The following IQCH variants were observed in gnomAD, a reference collection of about 807,000 sequenced individuals.
IQCH encodes IQ motif containing H.
Under a neutral mutation model 117.0 loss-of-function variants are expected in IQCH, and 98 were observed. The ratio of observed to expected loss-of-function variants is 0.84; its 90% CI spans 0.71 to 0.99. The LOEUF (loss-of-function observed/expected upper bound fraction) is 0.99, where lower values mean the gene tolerates loss of function less well. IQCH is among the 50% of genes least tolerant of loss of function. IQCH has a pLI of 0.00. For missense variants in IQCH, 1,102 were observed against 1,243.8 expected, an observed-to-expected ratio of 0.89 and a Z score of 1.72; for synonymous variants, 412 against 448.2, an observed-to-expected ratio of 0.92 and a Z score of 1.02.
chr15:67,313,798 C>G (rs979407374), intron 4 of IQCH, among the ~76,000 whole-genome samples: 5 of 152,160 alleles, frequency 3.3e-5, no homozygotes, highest in African/African-American at 1.2e-4. Flanking sequence ...GATCACTTCT[C>G]CAGCTGCTTT....
At chr15:67,495,973 T>C (rs550839967) in intron 20 of IQCH, among the ~76,000 whole-genome samples, 2 of 152,342 alleles carry the variant, frequency 1.3e-5, no homozygotes, top group African/African-American at 4.8e-5. Flanking sequence ...GTAGGTATTT[T>C]CAGTTTTTAA....
rs540673814 is a variant in IQCH, at chr15:67,439,564, C to T, written c.2505+17987C>T. On this transcript the variant is annotated intron_variant, in intron 16 of 20. Transcript: ENST00000335894. The stretch of plus-strand genomic sequence containing the variant: ...AATTACCAAGATCAGAGCAGAACTA[C>T]ATGAAATTTGAAACAAACAAACAAA... Among the ~76,000 whole-genome samples, 7 of 152,160 alleles carry T rather than the reference C, an allele frequency of 4.6e-5. No individual in the cohort carries two copies. The East Asian group carries it at 1.4e-3, about 29-fold the overall frequency.
intron 14 of IQCH, among the ~76,000 whole-genome samples, chr15:67,412,856 G>GTTGAA (rs1300750311): frequency 6.6e-6 from 1 of 152,154 alleles, no homozygotes; most frequent in African/African-American, 2.4e-5. Flanking sequence ...TTCATCATTT[G>GTTGAA]TTGAAGCTCA....
Position 67,385,112 on chromosome 15 carries a change from A to T in IQCH, c.1456+93A>T. 3.9e-6 allele frequency: 3 copies of T among 772,156 alleles called. No homozygotes were observed. Among genetic ancestry groups the T allele is most frequent in the South Asian group, 1.8e-5 (1 of 56,278 alleles). The allele number at this position is 772,156 out of a possible 1,614,324, so 47.8% of individuals were successfully genotyped here. The stretch of plus-strand genomic sequence containing the variant: ...TGTTTTGTTTGTTTGTTTTTTGCTT[A>T]TTTTTTTCCTCTACAAGGAAAAAGC... On this transcript the variant is annotated intron_variant, in intron 11 of 20. Coordinates refer to ENST00000335894, the MANE Select transcript of IQCH (RefSeq NM_001031715.3). This position sits in a 1 kb window ranked among gnomAD's most constrained non-coding sequence, Gnocchi z 4.6.
At chr15:67,293,208 C>G (rs1309694732) in intron 4 of IQCH, among the ~76,000 whole-genome samples, 2 of 151,962 alleles carry the variant, frequency 1.3e-5, no homozygotes, top group Non-Finnish European at 2.9e-5. Flanking sequence ...TATTATGTAC[C>G]TAATACATGT....
At chr15:67,353,362 ATTTTT>A (rs113593879) in intron 6 of IQCH, among the ~76,000 whole-genome samples, 2 of 148,388 alleles carry the variant, frequency 1.3e-5, no homozygotes, top group Non-Finnish European at 3.0e-5. Context: ...ATATTTATTT[ATTTTT>A]TTTTTTTTTT....
rs1175481580 is a variant in IQCH at position 67,436,074 on chromosome 15, C to A, written c.2505+14497C>A. 6.6e-6 allele frequency among the ~76,000 whole-genome samples: 1 copy of A among 152,086 alleles called. No individual in the cohort carries two copies. Among genetic ancestry groups the A allele is most frequent in the East Asian group, 1.9e-4 (1 of 5,190 alleles). ...TTCTTAAGACAATACTCAATCACCC[C>A]CTCCCAGCATATGGCACCACTGGTT... On this transcript the variant is annotated intron_variant, in intron 16 of 20. Transcript: ENST00000335894. The surrounding 1 kb of genome is among the most constrained non-coding windows in gnomAD (Gnocchi z 5.1).
At chr15:67,256,255 C>T (rs962929436) in intron 1 of IQCH, among the ~76,000 whole-genome samples, 35 of 152,230 alleles carry the variant, frequency 2.3e-4, no homozygotes, top group African/African-American at 7.9e-4. Flanking sequence ...GAGTCATTGA[C>T]GTCATTACCT....
chr15:67,361,224 A>C (rs1351008634), intron 8 of IQCH, among the ~76,000 whole-genome samples: 1 of 152,182 alleles, frequency 6.6e-6, no homozygotes, highest in African/African-American at 2.4e-5. Context: ...TTCAAATAGT[A>C]CTACTACTGC....
Position 67,388,660 on chromosome 15 carries a change from G to A in IQCH, c.1457-171G>A, listed in dbSNP as rs576307394. ...ATTTTCTTTAGAGAAATGCCGAACT[G>A]TAAAAAAGCCAGTTAGATTGCTCAG... On this transcript the variant is annotated intron_variant, in intron 11 of 20. Coordinates refer to ENST00000335894, the MANE Select transcript of IQCH (RefSeq NM_001031715.3). This position sits in a 1 kb window ranked among gnomAD's most constrained non-coding sequence, Gnocchi z 5.5. Among the ~76,000 whole-genome samples, 3 of 152,172 alleles carry A rather than the reference G, an allele frequency of 2.0e-5. No individual in the cohort carries two copies. The highest frequency in any genetic ancestry group is 4.4e-5 in the Non-Finnish European group (3 of 68,038).
chr15:67,271,695 G>T (rs935561874), intron 3 of IQCH, among the ~76,000 whole-genome samples: 1 of 152,054 alleles, frequency 6.6e-6, no homozygotes, highest in Non-Finnish European at 1.5e-5. Context: ...TTTCCAAATT[G>T]TAAATTGTTG....
In IQCH at chr15:67,364,436, T is replaced by A. The variant is rs967592147; in HGVS notation, c.753+4551T>A. Among the ~76,000 whole-genome samples, 1 of 152,206 alleles carries A rather than the reference T, an allele frequency of 6.6e-6. No homozygotes were observed. The highest frequency in any genetic ancestry group is 1.5e-5 in the Non-Finnish European group (1 of 68,038). On this transcript the variant is annotated intron_variant, in intron 8 of 20. Transcript: ENST00000335894. The surrounding 1 kb of genome is among the most constrained non-coding windows in gnomAD (Gnocchi z 4.1). ...CCAAACAATTTTTTTGAAATTCTTG[T>A]GGAACAATTTTTCTTGTAATTACCG... is the stretch of plus-strand genomic sequence containing the variant.
intron 16 of IQCH, among the ~76,000 whole-genome samples, chr15:67,460,432 T>C (rs2082763600): frequency 6.6e-6 from 1 of 152,222 alleles, no homozygotes; most frequent in Non-Finnish European, 1.5e-5. Context: ...TTTGTGCATC[T>C]TCCTAAATCA....
chr15:67,381,671 G>A lies in IQCH; in HGVS notation c.1373-3265G>A, dbSNP rs147618089. ...GAAGGGGGAGTGATCAGAACACACA[G>A]GAGAAAGGGCTAAGAATTTAAAAGA... On this transcript the variant is annotated intron_variant, in intron 10 of 20. Coordinates refer to ENST00000335894, the MANE Select transcript of IQCH (RefSeq NM_001031715.3). The surrounding 1 kb of genome is among the most constrained non-coding windows in gnomAD (Gnocchi z 5.1). Among the ~76,000 whole-genome samples the A allele has an allele frequency of 1.4e-3, 208 of 152,230 alleles. 9 individuals are homozygous for A. The highest frequency in any genetic ancestry group is 0.013 in the East Asian group (66 of 5,172).
rs368000828 is a variant in IQCH at position 67,350,495 on chromosome 15, C to T, written c.637+6304C>T. Reference sequence around the variant, plus strand: ...AGGTTGGAGTGCAGTGGTGTGATCTCGGTTCACTACAACCTCCGCCTCCCA... The same window carrying T: ...AGGTTGGAGTGCAGTGGTGTGATCTTGGTTCACTACAACCTCCGCCTCCCA... On this transcript the variant is annotated intron_variant, in intron 6 of 20. Coordinates refer to ENST00000335894, the MANE Select transcript of IQCH (RefSeq NM_001031715.3). Among the ~76,000 whole-genome samples, 106 of 152,126 alleles carry T rather than the reference C, an allele frequency of 7.0e-4. 4 individuals are homozygous for T. In the East Asian group the frequency reaches 0.012, roughly 17 times the overall value.
rs564736951 is a variant in IQCH at position 67,500,210 on chromosome 15, A to G, written c.2971-423A>G. 2.6e-4 allele frequency among the ~76,000 whole-genome samples: 40 copies of G among 152,288 alleles called. No homozygotes were observed. Among genetic ancestry groups the G allele is most frequent in the Middle Eastern group, 6.8e-3 (2 of 294 alleles). Reference sequence around the variant, plus strand: ...TGGAAAGAAACCTTCCCATCAGCCTATTAGCCCTCATTTTAGGGTGACTAG... The same window carrying G: ...TGGAAAGAAACCTTCCCATCAGCCTGTTAGCCCTCATTTTAGGGTGACTAG... On this transcript the variant is annotated intron_variant, in intron 20 of 20. Coordinates refer to ENST00000335894, the MANE Select transcript of IQCH (RefSeq NM_001031715.3). This position sits in a 1 kb window ranked among gnomAD's most constrained non-coding sequence, Gnocchi z 4.4.
chr15:67,384,915 G>T lies in IQCH; in HGVS notation c.1373-21G>T. The T allele has an allele frequency of 2.7e-6, 4 of 1,505,428 alleles. No individual in the cohort carries two copies. Among genetic ancestry groups the T allele is most frequent in the Non-Finnish European group, 3.7e-6 (4 of 1,082,048 alleles). The allele number at this position is 1,505,428 out of a possible 1,614,324, so 93.3% of individuals were successfully genotyped here. A position where few individuals can be genotyped will look rare whatever the true frequency, so the allele number is the denominator to read the frequency against. On this transcript the variant is annotated intron_variant, in intron 10 of 20. Coordinates refer to ENST00000335894, the MANE Select transcript of IQCH (RefSeq NM_001031715.3). This position sits in a 1 kb window ranked among gnomAD's most constrained non-coding sequence, Gnocchi z 4.3. ...TATCGACTTGCTCTTTCTGTGTTTT[G>T]ACACCTTGTTTGCCTTTTAGGGTAT...
At chr15:67,360,243 GC>G (rs1970077149) in intron 8 of IQCH, 1 of 280,212 alleles carries the variant, frequency 3.6e-6, no homozygotes, top group African/African-American at 2.2e-5. Flanking sequence ...AAAAATAAAT[GC>G]GGTTGTCCCC....
At position 67,404,340 on chromosome 15, in the gene IQCH, C is replaced by G. The variant is rs1350493773; in HGVS notation, c.2097+4035C>G. The G allele has an allele frequency of 6.6e-6, 1 of 152,194 alleles. No homozygotes were observed. The highest frequency in any genetic ancestry group is 1.5e-5 in the Non-Finnish European group (1 of 68,038). 9.4% of individuals were successfully genotyped at this position (152,194 alleles called of 1,614,324 possible). ...TCATGCCATAGAGCTCCCTGCATCT[C>G]CACCTCCATTGTGAAGACCTCTGTC... On this transcript the variant is annotated intron_variant, in intron 14 of 20. Coordinates refer to ENST00000335894, the MANE Select transcript of IQCH (RefSeq NM_001031715.3). The surrounding 1 kb of genome is among the most constrained non-coding windows in gnomAD (Gnocchi z 4.6).
Sources: gnomAD v4.1 joint callset for allele counts (sites outside exome capture counted in the v4.1 genomes callset) on GRCh38, gnomAD v4.1.1 for gene constraint, Gnocchi (gnomAD v3.1) non-coding constraint, MANE v1.5 for transcripts, NCBI Gene and HGNC (gene_info 2026-07-23, HGNC 2026-07-21) for gene names.